The following CD163L1 variants were observed in gnomAD, a reference collection of about 807,000 sequenced individuals.
The protein encoded by CD163L1 is CD163 molecule like 1.
Under a neutral mutation model 165.4 loss-of-function variants are expected in CD163L1, and 124 were observed. The observed-to-expected ratio is 0.75, with a 90% CI of 0.65 to 0.87. The LOEUF is 0.87. CD163L1 is among the 40% of genes least tolerant of loss of function. The probability of loss-of-function intolerance (pLI) is 0.00; values close to 1 mark genes in which losing one functional copy is unlikely to be tolerated. For missense variants in CD163L1, 1,525 were observed against 1,799.9 expected (o/e 0.85, Z 2.76); for synonymous variants, 585 against 662.2 (o/e 0.88, Z 1.79).
the CD163L1 span, among the ~76,000 whole-genome samples, chr12:7,330,190 C>T: frequency 6.6e-6 from 1 of 152,270 alleles, no homozygotes; most frequent in Non-Finnish European, 1.5e-5. Flanking sequence ...CTCTTTGCCC[C>T]TCTCAAATCC....
chr12:7,395,864 C>G (rs1193611080), intron 8 of CD163L1, among the ~76,000 whole-genome samples: 1 of 152,060 alleles, frequency 6.6e-6, no homozygotes, highest in African/African-American at 2.4e-5. Flanking sequence ...TTTGATGAAA[C>G]TAACTTTGGG....
At chr12:7,415,613 T>A (rs1172587572) in intron 4 of CD163L1, among the ~76,000 whole-genome samples, 1 of 152,092 alleles carries the variant, frequency 6.6e-6, no homozygotes, top group Non-Finnish European at 1.5e-5. Flanking sequence ...TGTGTGATGT[T>A]TCCCTCCCAG....
chr12:7,433,569 C>T lies in CD163L1; in HGVS notation c.250G>A (p.Val84Ile). Residue 84 changes from valine to isoleucine, a missense_variant, in exon 3 of 20, where the codon GTC (valine) becomes ATC (isoleucine). By Grantham distance (29) the Val-to-Ile change is conservative. Transcript: ENST00000313599. ...DDGWNTTAST[V>I]VCKQLGCPFS... The stretch of plus-strand genomic sequence containing the variant: ...GGACATCCAAGCTGTTTGCACACGA[C>T]AGTTGAGGCAGTAGTGTTCCACCCA... The T allele has an allele frequency of 6.2e-7, 1 of 1,614,176 alleles. No individual in the cohort carries two copies. The highest frequency in any genetic ancestry group is 8.5e-7 in the Non-Finnish European group (1 of 1,180,030).
At chr12:7,431,976 G>A (rs1948636512) in intron 4 of CD163L1, among the ~76,000 whole-genome samples, 1 of 152,152 alleles carries the variant, frequency 6.6e-6, no homozygotes, top group Admixed American at 6.5e-5. Flanking sequence ...AGCTAGGAAA[G>A]TAAATTGCCA....
At chr12:7,373,234 T>A (rs971309809) in intron 14 of CD163L1, 86 bp downstream of exon 14, 109 of 1,137,628 alleles carry the variant, frequency 9.6e-5, no homozygotes, top group Middle Eastern at 6.6e-4. Context: ...GTCTGCCATG[T>A]GCTCCTGAAT....
intron 2 of CD163L1, among the ~76,000 whole-genome samples, chr12:7,435,912 TATA>T (rs1466728146): frequency 2.0e-5 from 3 of 152,162 alleles, no homozygotes; most frequent in African/African-American, 4.8e-5. Context: ...AGCTTAGAAA[TATA>T]ATATTGAAAG....
At chr12:7,404,317 G>T (rs1947972455) in intron 5 of CD163L1, among the ~76,000 whole-genome samples, 1 of 151,986 alleles carries the variant, frequency 6.6e-6, no homozygotes, top group African/African-American at 2.4e-5. Context: ...AGGGACAAAA[G>T]GAATGCACAA....
In CD163L1 at chr12:7,375,523, T is replaced by C. The variant is rs374935599; in HGVS notation, c.2759A>G (p.His920Arg). ...DGQVEINVLG[H>R]WGSLCDTHWD... ...GTGGGTGTCACACAGTGAGCCCCAG[T>C]GTCCAAGCACGTTGATCTCCACTTG... The change falls in exon 11 of 20, where the codon CAC (histidine) becomes CGC (arginine). Residue 920 changes from histidine to arginine, a missense_variant. His to Arg is a conservative substitution (Grantham distance 29, BLOSUM62 0). Coordinates refer to ENST00000313599, the MANE Select transcript of CD163L1 (RefSeq NM_174941.6). 1.9e-6 allele frequency: 3 copies of C among 1,613,922 alleles called. No homozygotes were observed. Among genetic ancestry groups the C allele is most frequent in the Non-Finnish European group, 2.5e-6 (3 of 1,180,016 alleles).
intron 8 of CD163L1, among the ~76,000 whole-genome samples, chr12:7,393,652 T>G (rs1405002284): frequency 6.6e-6 from 1 of 152,210 alleles, no homozygotes; most frequent in Non-Finnish European, 1.5e-5. Context: ...GCAGATGACA[T>G]GATTGTATAG....
intron 8 of CD163L1, among the ~76,000 whole-genome samples, chr12:7,380,335 A>ACGTATACATACATGTGTGTATACG (rs1947362662): frequency 2.7e-5 from 3 of 112,386 alleles, no homozygotes; most frequent in Admixed American, 8.6e-5. Flanking sequence ...GTATGTATAC[A>ACGTATACATACATGTGTGTATACG]CGTATACATA....
chr12:7,419,720 T>C (rs1286721233), intron 4 of CD163L1, among the ~76,000 whole-genome samples: 1 of 151,782 alleles, frequency 6.6e-6, no homozygotes, highest in Non-Finnish European at 1.5e-5. Flanking sequence ...AGTGACCAAG[T>C]TGAGAATCAA....
At chr12:7,377,503 C>T (rs182249860) in intron 9 of CD163L1, among the ~76,000 whole-genome samples, 4 of 152,242 alleles carry the variant, frequency 2.6e-5, no homozygotes, top group Admixed American at 1.3e-4. Context: ...TTATTTCTTC[C>T]CCTTAAAATA....
At chr12:7,361,312 G>C (rs1946885574) in intron 18 of CD163L1, among the ~76,000 whole-genome samples, 1 of 151,942 alleles carries the variant, frequency 6.6e-6, no homozygotes, top group Admixed American at 6.6e-5. Flanking sequence ...GCTTCCAGTG[G>C]CTTCTTTTTC....
the CD163L1 span, chr12:7,324,462 G>A: frequency 6.2e-7 from 1 of 1,613,952 alleles, no homozygotes. Flanking sequence ...CTCTAACTTG[G>A]AGGATGTGGT....
At chr12:7,415,938 C>T (rs1840760921) in intron 4 of CD163L1, among the ~76,000 whole-genome samples, 1 of 152,106 alleles carries the variant, frequency 6.6e-6, no homozygotes, top group East Asian at 1.9e-4. Context: ...TGGGTATATA[C>T]CCAGTAATGG....
chr12:7,323,388 A>G, the CD163L1 span: 11 of 1,594,354 alleles, frequency 6.9e-6, no homozygotes, highest in Non-Finnish European at 9.4e-6. Flanking sequence ...TCATTGCACA[A>G]CTATTCATAA....
downstream of CD163L1, among the ~76,000 whole-genome samples, chr12:7,350,475 G>C (rs1463278439): frequency 6.6e-6 from 1 of 152,072 alleles, no homozygotes; most frequent in Non-Finnish European, 1.5e-5. Context: ...TAACTTACTT[G>C]TGATATTCAT....
At chr12:7,409,335 A>T (rs1948087967) in intron 4 of CD163L1, among the ~76,000 whole-genome samples, 1 of 152,156 alleles carries the variant, frequency 6.6e-6, no homozygotes, top group South Asian at 2.1e-4. Context: ...GACCCTCAAT[A>T]ACAGCATTTC....
chr12:7,326,937 A>T, the CD163L1 span: 1 of 1,549,410 alleles, frequency 6.5e-7, no homozygotes, highest in Non-Finnish European at 8.7e-7. Flanking sequence ...ATGTGTCTGA[A>T]AAACAAATGA....
Sources: gnomAD v4.1 joint callset for allele counts (sites outside exome capture counted in the v4.1 genomes callset) on GRCh38, gnomAD v4.1.1 for gene constraint, MANE v1.5 for transcripts, NCBI Gene and HGNC (gene_info 2026-07-23, HGNC 2026-07-21) for gene names.